Variants in NBEA observed in about 807,000 individuals in gnomAD.
NBEA encodes lysosomal-trafficking regulator 2.
In NBEA, 44 loss-of-function variants were observed where a neutral mutation model predicts 343.4. The ratio of observed to expected loss-of-function variants is 0.13; its 90% confidence interval spans 0.10 to 0.16. The LOEUF (loss-of-function observed/expected upper bound fraction) is 0.16, where lower values mean the gene tolerates loss of function less well. Among genes scored for constraint, NBEA ranks in the 10% least tolerant of loss-of-function variants. The pLI is 1.00. For missense variants in NBEA, 2,555 were observed against 3,631.3 expected, an observed-to-expected ratio of 0.70 and a Z score of 7.62; for synonymous variants, 1,175 against 1,238.7, an observed-to-expected ratio of 0.95 and a Z score of 1.08.
chr13:35,424,078 C>T (rs1443205212), intron 38 of NBEA, among the ~76,000 whole-genome samples: 1 of 152,174 alleles, frequency 6.6e-6, no homozygotes, highest in Non-Finnish European at 1.5e-5. Context: ...TCTAGATATA[C>T]AATCATGTCA....
At chr13:35,171,812 C>T in intron 26 of NBEA, among the ~76,000 whole-genome samples, 1 of 151,942 alleles carries the variant, frequency 6.6e-6, no homozygotes. Context: ...AGGGTAGTGT[C>T]CTGGCCTCAC....
intron 34 of NBEA, among the ~76,000 whole-genome samples, chr13:35,236,870 C>T (rs996082816): frequency 6.6e-5 from 10 of 151,844 alleles, no homozygotes; most frequent in African/African-American, 2.4e-4. Context: ...ATTTTACTTA[C>T]ATAATATTAA....
At chr13:35,388,056 C>T (rs565907385) in intron 38 of NBEA, among the ~76,000 whole-genome samples, 41 of 152,094 alleles carry the variant, frequency 2.7e-4, no homozygotes, top group African/African-American at 8.2e-4. Flanking sequence ...TTTAAATTTC[C>T]GAATCCACAA....
At chr13:35,278,101 A>G (rs2034761424) in intron 34 of NBEA, among the ~76,000 whole-genome samples, 2 of 147,776 alleles carry the variant, frequency 1.4e-5, no homozygotes, top group South Asian at 2.1e-4. Context: ...AAATATATAT[A>G]TATATAAAAT....
intron 36 of NBEA, among the ~76,000 whole-genome samples, chr13:35,310,600 G>T (rs1177269840): frequency 6.6e-6 from 1 of 152,106 alleles, no homozygotes; most frequent in South Asian, 2.1e-4. Context: ...TATTTTTGCA[G>T]TGCTTTATTG....
intron 1 of NBEA, among the ~76,000 whole-genome samples, chr13:34,953,482 T>C (rs1753969380): frequency 6.6e-6 from 1 of 152,182 alleles, no homozygotes; most frequent in South Asian, 2.1e-4. Flanking sequence ...AAAGAACAGC[T>C]CATCTTTCAA....
chr13:35,482,349 C>G (rs1354463402), intron 41 of NBEA, among the ~76,000 whole-genome samples: 1 of 151,124 alleles, frequency 6.6e-6, no homozygotes, highest in Admixed American at 6.6e-5. Flanking sequence ...AGATAACTAT[C>G]TGAGAATATA....
chr13:35,266,315 A>G (rs1251983787), intron 34 of NBEA, among the ~76,000 whole-genome samples: 1 of 151,886 alleles, frequency 6.6e-6, no homozygotes, highest in Non-Finnish European at 1.5e-5. Flanking sequence ...CTACCATATG[A>G]TCTAGCAGTT....
chr13:35,449,640 C>T (rs1272034894), intron 39 of NBEA, among the ~76,000 whole-genome samples: 2 of 152,136 alleles, frequency 1.3e-5, no homozygotes, highest in African/African-American at 4.8e-5. Context: ...GATAGCTACC[C>T]TCAGAAGATT....
intron 41 of NBEA, among the ~76,000 whole-genome samples, chr13:35,532,210 A>AGATTCATG (rs1189787874): frequency 1.6e-4 from 24 of 152,200 alleles, no homozygotes; most frequent in African/African-American, 5.3e-4. Flanking sequence ...TTTAATGCTT[A>AGATTCATG]GATTCATGGT....
chr13:35,117,385 A>C, intron 13 of NBEA, 29 bp from the exon 14 acceptor site: 1 of 1,179,470 alleles, frequency 8.5e-7, no homozygotes, highest in Non-Finnish European at 1.1e-6. Flanking sequence ...TGTATTTTTT[A>C]TTTTACTTTT....
intron 41 of NBEA, among the ~76,000 whole-genome samples, chr13:35,545,355 C>G (rs2079016404): frequency 6.6e-6 from 1 of 152,150 alleles, no homozygotes; most frequent in Admixed American, 6.5e-5. Flanking sequence ...CCTCCACATG[C>G]CTCCCTAGCG....
At chr13:35,527,332 A>T (rs1218624942) in intron 41 of NBEA, among the ~76,000 whole-genome samples, 1 of 152,170 alleles carries the variant, frequency 6.6e-6, no homozygotes, top group African/African-American at 2.4e-5. Flanking sequence ...AGTGGCAGTC[A>T]AGCCTCCCGG....
At chr13:34,997,717 G>A (rs1274978881) in intron 1 of NBEA, among the ~76,000 whole-genome samples, 9 of 152,082 alleles carry the variant, frequency 5.9e-5, no homozygotes, top group African/African-American at 9.7e-5. Context: ...TCACTTTTGA[G>A]GCTGAGAACT....
chr13:35,476,223 C>T (rs1055672617), intron 41 of NBEA: 2 of 1,600,070 alleles, frequency 1.2e-6, no homozygotes, highest in Non-Finnish European at 1.7e-6. Context: ...GAGCCAACTT[C>T]GGTGGAGAAA....
intron 3 of NBEA, 115 bp downstream of exon 3, chr13:35,045,162 T>C (rs758227733): frequency 2.0e-5 from 24 of 1,219,154 alleles, no homozygotes; most frequent in Non-Finnish European, 2.6e-5. Flanking sequence ...TGCTTTCTTC[T>C]TAAATGATTT....
intron 30 of NBEA, chr13:35,186,057 A>G (rs2071681562): frequency 6.6e-6 from 1 of 152,168 alleles, no homozygotes; most frequent in Non-Finnish European, 1.5e-5. Context: ...TAATCCCAGC[A>G]CTTTGGGAGG....
chr13:35,144,186 G>A (rs2068271207), intron 18 of NBEA, among the ~76,000 whole-genome samples: 1 of 152,182 alleles, frequency 6.6e-6, no homozygotes, highest in Non-Finnish European at 1.5e-5. Context: ...AAAGGGGAGT[G>A]TGGGTATACT....
intron 41 of NBEA, among the ~76,000 whole-genome samples, chr13:35,509,064 C>T (rs2077174065): frequency 6.6e-6 from 1 of 152,172 alleles, no homozygotes. Flanking sequence ...GGAGTCCCTC[C>T]CATGGGTAAC....
Sources: gnomAD v4.1 joint callset for allele counts (sites outside exome capture counted in the v4.1 genomes callset) on GRCh38, gnomAD v4.1.1 for gene constraint, MANE v1.5 for transcripts, NCBI Gene and HGNC (gene_info 2026-07-23, HGNC 2026-07-21) for gene names.